Variants in ATF6 observed in about 807,000 individuals in gnomAD.
ATF6 encodes cyclic AMP-dependent transcription factor ATF-6 alpha.
In ATF6, 53 loss-of-function variants were observed where a neutral mutation model predicts 83.6. That is an observed-to-expected ratio of 0.63 (90% confidence interval 0.51 to 0.80). ATF6 has a LOEUF of 0.80. ATF6 is among the 30% of genes least tolerant of loss of function. The pLI is 0.00. For synonymous variants in ATF6, 288 were observed against 285.8 expected (o/e 1.01, Z -0.08); for missense variants, 744 against 797.9 (o/e 0.93, Z 0.81).
chr1:161,908,527 G>T (rs1267305692), intron 14 of ATF6, among the ~76,000 whole-genome samples: 5 of 86,570 alleles, frequency 5.8e-5, no homozygotes, highest in Admixed American at 1.3e-4. Flanking sequence ...GTTTCTCCCC[G>T]CCCCCTCCCC....
chr1:161,946,519 CTT>C (rs556859856), intron 15 of ATF6, among the ~76,000 whole-genome samples: 6 of 152,202 alleles, frequency 3.9e-5, no homozygotes, highest in Non-Finnish European at 8.8e-5. Flanking sequence ...TAAAAAATCT[CTT>C]TATGGTTTGA....
At chr1:161,796,308 T>C (rs1036579368) in intron 6 of ATF6, among the ~76,000 whole-genome samples, 2 of 152,214 alleles carry the variant, frequency 1.3e-5, no homozygotes, top group African/African-American at 4.8e-5. Flanking sequence ...TTTAAAATAG[T>C]CCCAAAGTTC....
intron 9 of ATF6, among the ~76,000 whole-genome samples, chr1:161,833,241 A>C (rs2101802835): frequency 6.7e-6 from 1 of 148,428 alleles, no homozygotes; most frequent in Admixed American, 6.8e-5. Flanking sequence ...CATCCACACC[A>C]AAAACCCATC....
chr1:161,832,972 A>G (rs1241744931), intron 9 of ATF6, among the ~76,000 whole-genome samples: 1 of 152,170 alleles, frequency 6.6e-6, no homozygotes, highest in Non-Finnish European at 1.5e-5. Context: ...GTGGGTCCCT[A>G]ACCCCCGAGC....
chr1:161,812,037 G>A (rs1031398353), intron 7 of ATF6, among the ~76,000 whole-genome samples: 1 of 152,088 alleles, frequency 6.6e-6, no homozygotes, highest in Non-Finnish European at 1.5e-5. Flanking sequence ...TTTTACTACT[G>A]AAGGAATCAA....
At chr1:161,928,163 A>G (rs1366614069) in intron 15 of ATF6, among the ~76,000 whole-genome samples, 1 of 152,218 alleles carries the variant, frequency 6.6e-6, no homozygotes, top group Non-Finnish European at 1.5e-5. Flanking sequence ...ACCACAACTG[A>G]ACTTTCTGCA....
chr1:161,849,117 G>A (rs555369143), intron 10 of ATF6, among the ~76,000 whole-genome samples: 15 of 152,188 alleles, frequency 9.9e-5, no homozygotes, highest in East Asian at 5.8e-4. Flanking sequence ...AAAATAATGC[G>A]TATGTCATAG....
intron 9 of ATF6, among the ~76,000 whole-genome samples, chr1:161,845,710 A>G (rs1686467938): frequency 6.7e-6 from 1 of 150,102 alleles, no homozygotes; most frequent in Non-Finnish European, 1.5e-5. Context: ...CAGGAGGTCA[A>G]GGCTTCAGTG....
intron 14 of ATF6, among the ~76,000 whole-genome samples, chr1:161,875,784 A>G (rs1687205903): frequency 6.6e-6 from 1 of 151,882 alleles, no homozygotes; most frequent in Non-Finnish European, 1.5e-5. Context: ...TTTCCTCTAG[A>G]CAACAATTGT....
chr1:161,880,415 A>T (rs1687297576), intron 14 of ATF6, among the ~76,000 whole-genome samples: 1 of 152,000 alleles, frequency 6.6e-6, no homozygotes, highest in Non-Finnish European at 1.5e-5. Context: ...CATCCCCATC[A>T]GTCCCAAAAG....
At chr1:161,934,747 C>T (rs1376222402) in intron 15 of ATF6, among the ~76,000 whole-genome samples, 1 of 152,106 alleles carries the variant, frequency 6.6e-6, no homozygotes, top group East Asian at 1.9e-4. Context: ...GCATTGTTTT[C>T]CATGGAGTAA....
chr1:161,864,809 A>G (rs1449921181), intron 14 of ATF6, among the ~76,000 whole-genome samples: 2 of 152,226 alleles, frequency 1.3e-5, no homozygotes, highest in South Asian at 2.1e-4. Flanking sequence ...CAAGGCTCCA[A>G]CTGTACTGGT....
chr1:161,917,423 T>G (rs1571235595), intron 15 of ATF6, among the ~76,000 whole-genome samples: 1 of 10,856 alleles, frequency 9.2e-5, no homozygotes, highest in Non-Finnish European at 3.4e-4. Context: ...TTATACACAA[T>G]TTTTTTTTTT....
At chr1:161,920,294 C>CTTTTTGTTTTTTTTTTTTTTTTTTTT (rs1688182246) in intron 15 of ATF6, among the ~76,000 whole-genome samples, 1 of 54,846 alleles carries the variant, frequency 1.8e-5, no homozygotes, top group African/African-American at 7.4e-5. Flanking sequence ...CTCTCTCTCT[C>CTTTTTGTTTTTTTTTTTTTTTTTTTT]TTTTTTTTTT....
At chr1:161,825,783 G>A (rs1685881167) in intron 9 of ATF6, among the ~76,000 whole-genome samples, 1 of 151,988 alleles carries the variant, frequency 6.6e-6, no homozygotes, top group African/African-American at 2.4e-5. Flanking sequence ...TTAAACCATT[G>A]GCCATTGGTG....
chr1:161,783,477 G>T (rs1431281481), intron 3 of ATF6, among the ~76,000 whole-genome samples: 1 of 152,016 alleles, frequency 6.6e-6, no homozygotes, highest in African/African-American at 2.4e-5. Flanking sequence ...TAGTTTAAAA[G>T]ATATGAACAT....
chr1:161,916,736 T>A (rs1688110156), intron 15 of ATF6, among the ~76,000 whole-genome samples: 1 of 152,204 alleles, frequency 6.6e-6, no homozygotes, highest in East Asian at 1.9e-4. Context: ...TTTTTAAAAA[T>A]TAGACTTATT....
chr1:161,806,830 C>A (rs1685294095), intron 7 of ATF6, among the ~76,000 whole-genome samples: 2 of 152,116 alleles, frequency 1.3e-5, no homozygotes, highest in Non-Finnish European at 2.9e-5. Flanking sequence ...GGGGATTCTC[C>A]TGTCATACCA....
intron 15 of ATF6, among the ~76,000 whole-genome samples, chr1:161,940,367 G>A (rs1469676913): frequency 6.6e-6 from 1 of 152,034 alleles, no homozygotes; most frequent in African/African-American, 2.4e-5. Context: ...TCTAAACCCT[G>A]TGTGAACCAA....
Sources: gnomAD v4.1 joint callset for allele counts (sites outside exome capture counted in the v4.1 genomes callset) on GRCh38, gnomAD v4.1.1 for gene constraint, MANE v1.5 for transcripts, NCBI Gene and HGNC (gene_info 2026-07-23, HGNC 2026-07-21) for gene names.